SLC9A4: variants seen among roughly 807,000 people sequenced by gnomAD.
SLC9A4 encodes the protein solute carrier family 9 member A4.
A neutral mutation model predicts 67.4 loss-of-function variants in SLC9A4; 63 were observed. The observed-to-expected ratio is 0.93, with a 90% CI of 0.76 to 1.15. The LOEUF is 1.15. Ranked by LOEUF, SLC9A4 falls within the 50% of genes most tolerant of loss-of-function variation. The probability of loss-of-function intolerance (pLI) is 0.00; values close to 1 mark genes in which losing one functional copy is unlikely to be tolerated. For synonymous variants in SLC9A4, 393 were observed against 367.2 expected, an observed-to-expected ratio of 1.07 and a Z score of -0.80; for missense variants, 1,089 against 987.7, an observed-to-expected ratio of 1.10 and a Z score of -1.38.
intron 2 of SLC9A4, among the ~76,000 whole-genome samples, chr2:102,489,624 C>A (rs910772009): frequency 6.6e-6 from 1 of 152,202 alleles, no homozygotes; most frequent in Non-Finnish European, 1.5e-5. Context: ...CTCCTCATTA[C>A]GTGTTCTGCC....
At chr2:102,479,753 A>T (rs531201091) in intron 2 of SLC9A4, among the ~76,000 whole-genome samples, 1 of 152,208 alleles carries the variant, frequency 6.6e-6, no homozygotes, top group African/African-American at 2.4e-5. Flanking sequence ...GAAATAAAAG[A>T]TAAGGGTCAG....
intron 1 of SLC9A4, among the ~76,000 whole-genome samples, chr2:102,478,621 G>T (rs1439802460): frequency 2.6e-5 from 4 of 152,194 alleles, no homozygotes; most frequent in Admixed American, 2.0e-4. Context: ...GGGGCAGCTG[G>T]CTGTGAATGA....
rs1173098649 is a variant in SLC9A4, at chr2:102,512,274, G to A, written c.1559+1G>A. On this transcript the variant is annotated splice_donor_variant, in intron 7 of 11. Coordinates refer to ENST00000295269, the MANE Select transcript of SLC9A4 (RefSeq NM_001011552.4). LOFTEE classifies it high-confidence loss of function. ...GGAGTCACTACCAAGTGAGAGACAAGTAAGGAGGCTGAGGGTTTCACTCCC... is the reference window on the plus strand; with the variant it reads ...GGAGTCACTACCAAGTGAGAGACAAATAAGGAGGCTGAGGGTTTCACTCCC... 1 of 1,614,000 alleles carries A rather than the reference G, an allele frequency of 6.2e-7. No individual in the cohort carries two copies. Among genetic ancestry groups the A allele is most frequent in the East Asian group, 2.2e-5 (1 of 44,854 alleles).
chr2:102,510,723 G>A (rs1221099831), intron 6 of SLC9A4, among the ~76,000 whole-genome samples: 3 of 152,182 alleles, frequency 2.0e-5, no homozygotes, highest in Non-Finnish European at 4.4e-5. Flanking sequence ...GAAATATGGG[G>A]TCCTCTGCCC....
chr2:102,520,090 C>G (rs1685373845), intron 9 of SLC9A4, 135 bp downstream of exon 9: 2 of 665,874 alleles, frequency 3.0e-6, no homozygotes, highest in Admixed American at 3.1e-5. Context: ...AATATTTTCT[C>G]TCTGCTTAGT....
At chr2:102,519,204 G>A (rs1685343368) in intron 8 of SLC9A4, among the ~76,000 whole-genome samples, 1 of 152,120 alleles carries the variant, frequency 6.6e-6, no homozygotes, top group Non-Finnish European at 1.5e-5. Context: ...TCTTAGAGCT[G>A]GGCTGGCTTT....
At chr2:102,481,586 T>C (rs1446805887) in intron 2 of SLC9A4, among the ~76,000 whole-genome samples, 1 of 152,198 alleles carries the variant, frequency 6.6e-6, no homozygotes. Flanking sequence ...GTCTTGCTCA[T>C]TTTTCTTCAC....
chr2:102,527,269 C>CA (rs4070555), intron 11 of SLC9A4, among the ~76,000 whole-genome samples: 1,773 of 151,724 alleles, frequency 0.012, 38 homozygotes, highest in African/African-American at 0.041. Flanking sequence ...CCTCCCTCCA[C>CA]AAAAAAATCA....
chr2:102,490,661 A>G (rs1684676449), intron 2 of SLC9A4, among the ~76,000 whole-genome samples: 3 of 152,200 alleles, frequency 2.0e-5, no homozygotes, highest in Admixed American at 6.5e-5. Context: ...ACCCCTCAGG[A>G]ACCCAGGAAT....
At chr2:102,495,145 A>C (rs982132196) in intron 2 of SLC9A4, among the ~76,000 whole-genome samples, 5 of 152,184 alleles carry the variant, frequency 3.3e-5, no homozygotes, top group Non-Finnish European at 7.4e-5. Flanking sequence ...TTTTTTTTAC[A>C]CAACAGAATT....
At chr2:102,509,019 T>G in intron 6 of SLC9A4, 86 bp downstream of exon 6, 1 of 1,116,992 alleles carries the variant, frequency 9.0e-7, no homozygotes, top group Non-Finnish European at 1.3e-6. Context: ...TCACTAGACT[T>G]CCTCTTTCCT....
intron 2 of SLC9A4, among the ~76,000 whole-genome samples, chr2:102,491,635 A>G (rs186425790): frequency 4.4e-4 from 67 of 152,248 alleles, no homozygotes; most frequent in Admixed American, 1.9e-3. Context: ...CATGACAAGT[A>G]GGGATTATGC....
intron 2 of SLC9A4, among the ~76,000 whole-genome samples, chr2:102,480,332 T>A (rs1684431914): frequency 6.6e-6 from 1 of 152,116 alleles, no homozygotes; most frequent in South Asian, 2.1e-4. Flanking sequence ...TATGTATTGC[T>A]TAGATATAAC....
chr2:102,478,301 G>T (rs1316851824), intron 1 of SLC9A4, among the ~76,000 whole-genome samples: 2 of 152,226 alleles, frequency 1.3e-5, no homozygotes, highest in Non-Finnish European at 2.9e-5. Context: ...AGAGCTGAAT[G>T]CATGAAGGGT....
At position 102,532,629 on chromosome 2, in the gene SLC9A4, G is replaced by C; in HGVS notation, c.2338G>C (p.Asp780His). The C allele has an allele frequency of 6.2e-7, 1 of 1,614,048 alleles. No individual in the cohort carries two copies. Among genetic ancestry groups the C allele is most frequent in the Non-Finnish European group, 8.5e-7 (1 of 1,180,002 alleles). ...TGAGGTTCGGTCGAGGTGGACAGCT[G>C]ACCATGGACACGGCAGGGACCATCA... ...LVEVRSRWTA[D>H]HGHGRDHHRS... The change falls in exon 12 of 12, where the codon GAC becomes CAC. Residue 780 changes from aspartate to histidine, a missense_variant. Asp to His is a moderately conservative substitution (Grantham distance 81). Transcript: ENST00000295269.
chr2:102,508,154 T>C lies in SLC9A4; in HGVS notation c.1274T>C (p.Phe425Ser). The change falls in exon 5 of 12, where the codon TTC (phenylalanine) becomes TCC (serine). Residue 425 changes from phenylalanine to serine, a missense_variant. Coordinates refer to ENST00000295269, the MANE Select transcript of SLC9A4 (RefSeq NM_001011552.4). The stretch of plus-strand genomic sequence containing the variant: ...TCCATCAAGGACCAGTGCATCATTT[T>C]CTACAGTGGTGTTCGAGGAGCTGGA... ...PFSIKDQCII[F>S]YSGVRGAGSF... The C allele has an allele frequency of 1.2e-6, 2 of 1,614,230 alleles. No individual in the cohort carries two copies. The highest frequency in any genetic ancestry group is 1.7e-6 in the Non-Finnish European group (2 of 1,180,028).
intron 2 of SLC9A4, among the ~76,000 whole-genome samples, chr2:102,501,636 GGAA>G (rs1249730289): frequency 6.6e-6 from 1 of 152,082 alleles, no homozygotes; most frequent in Non-Finnish European, 1.5e-5. Flanking sequence ...GAACTAGCTA[GGAA>G]AGGGGCTGGG....
At chr2:102,496,476 G>A (rs1266623349) in intron 2 of SLC9A4, among the ~76,000 whole-genome samples, 1 of 152,062 alleles carries the variant, frequency 6.6e-6, no homozygotes, top group African/African-American at 2.4e-5. Flanking sequence ...GAAGCTGAGA[G>A]GCAGAAAAAA....
chr2:102,475,252 A>C (rs535016797), intron 1 of SLC9A4, among the ~76,000 whole-genome samples: 1 of 152,370 alleles, frequency 6.6e-6, no homozygotes, highest in South Asian at 2.1e-4. Context: ...TTGTGAAATC[A>C]TATAGACACT....
Sources: allele counts gnomAD v4.1 joint callset (sites outside exome capture counted in the v4.1 genomes callset), GRCh38; gene constraint gnomAD v4.1.1; transcripts MANE v1.5; gene names NCBI Gene and HGNC (gene_info 2026-07-23, HGNC 2026-07-21).